Variants in BCLAF1 observed in about 807,000 individuals in gnomAD.
BCLAF1 encodes bcl-2-associated transcription factor 1.
Under a neutral mutation model 99.5 loss-of-function variants are expected in BCLAF1, and 10 were observed. The observed-to-expected ratio is 0.10, with a 90% CI of 0.06 to 0.17. The LOEUF is 0.17. Ranked by LOEUF, BCLAF1 falls within the 10% of genes least tolerant of loss-of-function variation. BCLAF1 has a pLI of 1.00. For missense variants in BCLAF1, 636 were observed against 1,105.8 expected (o/e 0.58, Z 6.02); for synonymous variants, 255 against 370.9 (o/e 0.69, Z 3.59).
chr6:136,272,160 TAA>T, intron 7 of BCLAF1, 81 bp from the exon 8 acceptor site: 1 of 986,076 alleles, frequency 1.0e-6, no homozygotes, highest in Non-Finnish European at 1.5e-6. Context: ...TCCATTTTCC[TAA>T]GACAGTTATT....
At chr6:136,266,930 A>AATCTTCTT in intron 11 of BCLAF1, 99 bp downstream of exon 11, 1 of 1,406,990 alleles carries the variant, frequency 7.1e-7, no homozygotes, top group Non-Finnish European at 9.7e-7. Context: ...CATAACGGTG[A>AATCTTCTT]ATCTTCTTAT....
Position 136,270,623 on chromosome 6 carries a change from C to T in BCLAF1, c.2044-1011G>A, listed in dbSNP as rs1055371955. ...ACCTTCCTATTCACCTAGGTATTAC[C>T]AAGTCCACAAGTAACAAGATAATGT... On this transcript the variant is annotated intron_variant, in intron 8 of 12. Transcript: ENST00000531224. Among the ~76,000 whole-genome samples, 4 of 151,732 alleles carry T rather than the reference C, an allele frequency of 2.6e-5. No individual in the cohort carries two copies. The South Asian group carries it at 6.2e-4, about 24-fold the overall frequency.
chr6:136,287,204 G>C (rs529334353), intron 1 of BCLAF1, among the ~76,000 whole-genome samples: 2 of 152,098 alleles, frequency 1.3e-5, no homozygotes, highest in African/African-American at 2.4e-5. Flanking sequence ...CAGCTACTTG[G>C]GAGGCTGAGA....
Position 136,273,141 on chromosome 6 carries a change from A to C in BCLAF1, c.1899T>G (p.Thr633=). ...GTTCTTCAGTGGCTTTCTGATACGA[A>C]GTGAACCGCTCGTTTAGGGTCATTG... ...SAAMTLNERF[T]SYQKATEEHS... is the part of the protein sequence containing the mutation. The change falls in exon 7 of 13, where the codon ACT becomes ACG. Residue 633 remains threonine (T), a synonymous_variant. Transcript: ENST00000531224. 2 of 1,612,302 alleles carry C rather than the reference A, an allele frequency of 1.2e-6. No individual in the cohort carries two copies. The highest frequency in any genetic ancestry group is 1.7e-6 in the Non-Finnish European group (2 of 1,178,672).
intron 6 of BCLAF1, chr6:136,273,479 C>G (rs1013327841): frequency 3.9e-6 from 1 of 254,020 alleles, no homozygotes. Context: ...TTCCTCAGAA[C>G]AAAAAGGAAC....
chr6:136,289,529 T>C (rs1040148539), intron 1 of BCLAF1, among the ~76,000 whole-genome samples, 184 bp downstream of exon 1: 6 of 152,238 alleles, frequency 3.9e-5, no homozygotes, highest in Non-Finnish European at 5.9e-5. Flanking sequence ...CGCCCGGCCT[T>C]TTCGGCCCGT....
intron 6 of BCLAF1, chr6:136,274,232 T>C (rs1398669112): frequency 8.6e-7 from 1 of 1,156,646 alleles, no homozygotes; most frequent in Non-Finnish European, 1.2e-6. Context: ...CATTTTCAGC[T>C]CTATATAAAG....
intron 1 of BCLAF1, among the ~76,000 whole-genome samples, chr6:136,287,996 G>A (rs1258038261): frequency 6.6e-6 from 1 of 152,124 alleles, no homozygotes; most frequent in Non-Finnish European, 1.5e-5. Context: ...CTCCTGCCTA[G>A]GCGACAGAGC....
At chr6:136,287,653 C>A (rs2128494522) in intron 1 of BCLAF1, among the ~76,000 whole-genome samples, 1 of 152,308 alleles carries the variant, frequency 6.6e-6, no homozygotes, top group South Asian at 2.1e-4. Context: ...CTATGTAGAA[C>A]TGATAAAACT....
intron 2 of BCLAF1, among the ~76,000 whole-genome samples, chr6:136,280,965 A>G (rs1784316521): frequency 6.6e-6 from 1 of 152,184 alleles, no homozygotes; most frequent in Non-Finnish European, 1.5e-5. Flanking sequence ...TATCTCCTAC[A>G]ACCAAGTATT....
chr6:136,259,022 A>G lies in BCLAF1; in HGVS notation c.*2088T>C, dbSNP rs1365539900. The G allele has an allele frequency of 6.6e-6, 1 of 152,424 alleles. No individual in the cohort carries two copies. The highest frequency in any genetic ancestry group is 2.4e-5 in the African/African-American group (1 of 41,442). 9.4% of individuals were successfully genotyped at this position (152,424 alleles called of 1,614,324 possible). On this transcript the variant is annotated 3_prime_UTR_variant, in exon 13 of 13. Coordinates refer to ENST00000531224, the MANE Select transcript of BCLAF1 (RefSeq NM_014739.3). ...CCAAGAGGAACCATTCAACTTTTAT[A>G]ATATCGTAAAGCGTGGAGTTAAGAT...
At chr6:136,288,862 C>G (rs1039649189) in intron 1 of BCLAF1, among the ~76,000 whole-genome samples, 2 of 152,210 alleles carry the variant, frequency 1.3e-5, no homozygotes, top group Non-Finnish European at 2.9e-5. Context: ...ACTAAATGGG[C>G]TGAATCACTT....
At chr6:136,278,892 TAA>T (rs1178103388) in intron 3 of BCLAF1, 116 bp from the exon 4 acceptor site, 1 of 1,063,120 alleles carries the variant, frequency 9.4e-7, no homozygotes, top group Non-Finnish European at 1.3e-6. Flanking sequence ...TACACTTTTT[TAA>T]AAAACTCATC....
At chr6:136,272,280 A>G (rs1429424847) in intron 7 of BCLAF1, among the ~76,000 whole-genome samples, 1 of 151,940 alleles carries the variant, frequency 6.6e-6, no homozygotes. Context: ...CCAACCAGAT[A>G]TTTTTATATA....
chr6:136,260,904 C>G lies in BCLAF1; in HGVS notation c.*206G>C, dbSNP rs1247725525. 1 of 535,010 alleles carries G rather than the reference C, an allele frequency of 1.9e-6. No individual in the cohort carries two copies. The highest frequency in any genetic ancestry group is 2.0e-5 in the African/African-American group (1 of 49,916). The allele number at this position is 535,010 out of a possible 1,614,324, so 33.1% of individuals were successfully genotyped here. A position where few individuals can be genotyped will look rare whatever the true frequency, so the allele number is the denominator to read the frequency against. On this transcript the variant is annotated 3_prime_UTR_variant, in exon 13 of 13. Coordinates refer to ENST00000531224, the MANE Select transcript of BCLAF1 (RefSeq NM_014739.3). ...TGATAGTTACAAATATGGTACGTAA[C>G]AATTTTCTACTTTATTTCAGTACAA...
chr6:136,281,714 G>C (rs1241743725), intron 2 of BCLAF1, among the ~76,000 whole-genome samples: 2 of 152,162 alleles, frequency 1.3e-5, no homozygotes, highest in Non-Finnish European at 2.9e-5. Context: ...GTGTTGTGCT[G>C]TATCTCCAGA....
chr6:136,268,730 T>C (rs974378899), intron 9 of BCLAF1: 22 of 192,920 alleles, frequency 1.1e-4, no homozygotes, highest in African/African-American at 4.1e-4. Flanking sequence ...TGGGTGAAAA[T>C]AGTTGGTATA....
chr6:136,284,367 TAA>T (rs1784835607), intron 1 of BCLAF1, among the ~76,000 whole-genome samples: 1 of 151,880 alleles, frequency 6.6e-6, no homozygotes, highest in Non-Finnish European at 1.5e-5. Context: ...ACACAATAAA[TAA>T]GTCAGTATCA....
At chr6:136,279,591 G>A in intron 3 of BCLAF1, 172 bp downstream of exon 3, 1 of 646,798 alleles carries the variant, frequency 1.5e-6, no homozygotes, top group Non-Finnish European at 2.1e-6. Context: ...ACTAGAGCTT[G>A]TTACCTGGAC....
Sources: gnomAD v4.1 joint callset for allele counts (sites outside exome capture counted in the v4.1 genomes callset) on GRCh38, gnomAD v4.1.1 for gene constraint, MANE v1.5 for transcripts, NCBI Gene and HGNC (gene_info 2026-07-23, HGNC 2026-07-21) for gene names.